The following CCDC124 variants were observed in gnomAD, a reference collection of about 807,000 sequenced individuals.
CCDC124 encodes the protein coiled-coil domain containing 124, also known as coiled-coil domain-containing protein 124.
A neutral mutation model predicts 19.8 loss-of-function variants in CCDC124; 9 were observed. That is an observed-to-expected ratio of 0.45 (90% CI 0.27 to 0.79). CCDC124 has a LOEUF of 0.79. Ranked by LOEUF, CCDC124 falls within the 30% of genes least tolerant of loss-of-function variation. The pLI is 0.14. For missense variants in CCDC124, 285 were observed against 319.0 expected, an observed-to-expected ratio of 0.89 and a Z score of 0.81; for synonymous variants, 126 against 131.3, an observed-to-expected ratio of 0.96 and a Z score of 0.27.
chr19:17,939,954 G>A (rs529636606), intron 2 of CCDC124, among the ~76,000 whole-genome samples: 34 of 125,066 alleles, frequency 2.7e-4, no homozygotes, highest in African/African-American at 1.0e-3. Flanking sequence ...AGTCTCTGTT[G>A]CCCAGGCTGG....
chr19:17,938,823 C>T (rs2031115869), intron 2 of CCDC124, among the ~76,000 whole-genome samples: 1 of 152,044 alleles, frequency 6.6e-6, no homozygotes, highest in Non-Finnish European at 1.5e-5. Flanking sequence ...TCTCAAACTC[C>T]TGGGCTCAAA....
In CCDC124 at chr19:17,943,943, G is replaced by A; in HGVS notation, c.*228G>A. The stretch of plus-strand genomic sequence containing the variant: ...CGGCGCGTGTGTGTAGAGCCTCAGG[G>A]CTGAGTGCCCAATAAAGGTGGCGGC... On this transcript the variant is annotated 3_prime_UTR_variant, in exon 5 of 5. Coordinates refer to ENST00000445755, the MANE Select transcript of CCDC124 (RefSeq NM_001136203.2). 4 of 583,274 alleles carry A rather than the reference G, an allele frequency of 6.9e-6. No homozygotes were observed. In the South Asian group the frequency reaches 8.4e-5, roughly 12 times the overall value. The allele number at this position is 583,274 out of a possible 1,614,324, so 36.1% of individuals were successfully genotyped here.
intron 2 of CCDC124, among the ~76,000 whole-genome samples, chr19:17,937,972 A>G (rs1364365345): frequency 1.3e-5 from 2 of 152,092 alleles, no homozygotes; most frequent in Non-Finnish European, 2.9e-5. Context: ...ACCTCAGGTG[A>G]TCCGCCTGCC....
intron 1 of CCDC124, chr19:17,935,018 C>G (rs1233203857): frequency 6.6e-6 from 1 of 151,580 alleles, no homozygotes; most frequent in Non-Finnish European, 1.5e-5. Context: ...TACGCTCAGG[C>G]GATCCTTCCA....
At chr19:17,934,335 G>A (rs1484002807) in intron 1 of CCDC124, among the ~76,000 whole-genome samples, 2 of 148,892 alleles carry the variant, frequency 1.3e-5, no homozygotes, top group Non-Finnish European at 2.9e-5. Flanking sequence ...GCAGTGAGCC[G>A]AGATTGTGCC....
Position 17,943,244 on chromosome 19 carries a change from C to CAT in CCDC124, c.350-17_350-16insAT. ...TGCTTATCTCTCTCTGTCTCTGTCA[C>CAT]CCACCCACCCGCCCAGCCGAGAAAG... On this transcript the variant is annotated splice_polypyrimidine_tract_variant and intron_variant, in intron 3 of 4. Coordinates refer to ENST00000445755, the MANE Select transcript of CCDC124 (RefSeq NM_001136203.2). 2.5e-6 allele frequency: 1 copy of CAT among 392,360 alleles called. No homozygotes were observed. The allele number at this position is 392,360 out of a possible 1,614,324, so 24.3% of individuals were successfully genotyped here. A position where few individuals can be genotyped will look rare whatever the true frequency, so the allele number is the denominator to read the frequency against.
chr19:17,938,685 G>C (rs1001793598), intron 2 of CCDC124, among the ~76,000 whole-genome samples: 4 of 152,026 alleles, frequency 2.6e-5, no homozygotes, highest in Non-Finnish European at 5.9e-5. Flanking sequence ...TTGACTTCCC[G>C]AACTCAAGCA....
Position 17,943,241 on chromosome 19 carries a change from T to TCGGGGGGGGGGCCCCC in CCDC124, c.350-19_350-18insGGGGGGGGGGCCCCCC. ...CTTTGCTTATCTCTCTCTGTCTCTGTCACCCACCCACCCGCCCAGCCGAGA... is the reference window on the plus strand; with the variant it reads ...CTTTGCTTATCTCTCTCTGTCTCTGTCGGGGGGGGGGCCCCCCACCCACCCACCCGCCCAGCCGAGA... On this transcript the variant is annotated intron_variant, in intron 3 of 4. Transcript: ENST00000445755. The TCGGGGGGGGGGCCCCC allele has an allele frequency of 1.1e-5, 8 of 736,678 alleles. No homozygotes were observed. The highest frequency in any genetic ancestry group is 3.6e-4 in the Middle Eastern group (1 of 2,806). The allele number at this position is 736,678 out of a possible 1,614,324, so 45.6% of individuals were successfully genotyped here. A position where few individuals can be genotyped will look rare whatever the true frequency, so the allele number is the denominator to read the frequency against.
At chr19:17,940,162 C>G (rs1211448921) in intron 2 of CCDC124, among the ~76,000 whole-genome samples, 2 of 152,080 alleles carry the variant, frequency 1.3e-5, no homozygotes, top group Admixed American at 6.6e-5. Flanking sequence ...ATCCGCCCAC[C>G]TCGGCCTCCC....
At chr19:17,934,764 CAG>C (rs2031023684) in intron 1 of CCDC124, among the ~76,000 whole-genome samples, 1 of 152,108 alleles carries the variant, frequency 6.6e-6, no homozygotes, top group African/African-American at 2.4e-5. Context: ...GCCTGGGCGA[CAG>C]AGTGAGACCC....
chr19:17,942,869 G>A lies in CCDC124; in HGVS notation c.349+24G>A, dbSNP rs1469744088. 1.4e-6 allele frequency: 2 copies of A among 1,479,862 alleles called. No individual in the cohort carries two copies. Among genetic ancestry groups the A allele is most frequent in the East Asian group, 2.5e-5 (1 of 40,490 alleles). The allele number at this position is 1,479,862 out of a possible 1,614,324, so 91.7% of individuals were successfully genotyped here. On this transcript the variant is annotated intron_variant, in intron 3 of 4. Transcript: ENST00000445755. This position sits in a 1 kb window ranked among gnomAD's most constrained non-coding sequence, Gnocchi z 4.2. ...AGGTCGGGCGGCATCCCGCTCTGGA[G>A]CTGCACTTTTGCCCACTGCAGAGGC...
At chr19:17,934,328 G>A (rs1258433746) in intron 1 of CCDC124, among the ~76,000 whole-genome samples, 1 of 148,950 alleles carries the variant, frequency 6.7e-6, no homozygotes, top group Non-Finnish European at 1.5e-5. Flanking sequence ...GGAGGTTGCA[G>A]TGAGCCGAGA....
intron 2 of CCDC124, 112 bp downstream of exon 2, chr19:17,936,691 C>T (rs2031073444): frequency 7.6e-7 from 1 of 1,316,148 alleles, no homozygotes; most frequent in Admixed American, 2.4e-5. Flanking sequence ...GTCTGAAAGG[C>T]CAGGAGGGAC....
chr19:17,935,828 C>T (rs2031048553), intron 1 of CCDC124, among the ~76,000 whole-genome samples: 1 of 152,202 alleles, frequency 6.6e-6, no homozygotes, highest in Non-Finnish European at 1.5e-5. Context: ...GGTGATCCGC[C>T]CACCTTGGCC....
At position 17,942,600 on chromosome 19, in the gene CCDC124, G is replaced by T; in HGVS notation, c.160-56G>T. The stretch of plus-strand genomic sequence containing the variant: ...AGATGAAAACTCGAACCCCAGGCTA[G>T]TGGGTGGCGCGGGGGTGTGGGGTCT... On this transcript the variant is annotated intron_variant, in intron 2 of 4. Transcript: ENST00000445755. The surrounding 1 kb of genome is among the most constrained non-coding windows in gnomAD (Gnocchi z 4.2). The T allele has an allele frequency of 6.5e-7, 1 of 1,532,164 alleles. No individual in the cohort carries two copies. Among genetic ancestry groups the T allele is most frequent in the Non-Finnish European group, 8.8e-7 (1 of 1,134,774 alleles). 94.9% of individuals were successfully genotyped at this position (1,532,164 alleles called of 1,614,324 possible).
chr19:17,941,236 C>G (rs923652984), intron 2 of CCDC124, among the ~76,000 whole-genome samples: 1 of 151,968 alleles, frequency 6.6e-6, no homozygotes, highest in Non-Finnish European at 1.5e-5. Flanking sequence ...ATTGGCCAGG[C>G]ACAGTGGCTC....
At chr19:17,943,476 C>G in intron 4 of CCDC124, 32 bp from the exon 5 acceptor site, 3 of 1,601,450 alleles carry the variant, frequency 1.9e-6, no homozygotes, top group Non-Finnish European at 2.6e-6. Flanking sequence ...AGGCTGCGCC[C>G]AAGGCCCCCT....
intron 2 of CCDC124, among the ~76,000 whole-genome samples, chr19:17,940,708 C>T (rs1489162903): frequency 7.0e-6 from 1 of 143,332 alleles, no homozygotes; most frequent in Non-Finnish European, 1.5e-5. Flanking sequence ...AGAGGTTGCA[C>T]CATTGTACTC....
chr19:17,934,868 A>G (rs1351479936), intron 1 of CCDC124, among the ~76,000 whole-genome samples: 3 of 150,482 alleles, frequency 2.0e-5, no homozygotes, highest in East Asian at 3.9e-4. Flanking sequence ...TTGAGGTTCA[A>G]CCACATTGTA....
Sources: allele counts gnomAD v4.1 joint callset (sites outside exome capture counted in the v4.1 genomes callset), GRCh38; gene constraint gnomAD v4.1.1; non-coding constraint Gnocchi (gnomAD v3.1); transcripts MANE v1.5; gene names NCBI Gene and HGNC (gene_info 2026-07-23, HGNC 2026-07-21).